The following RBL1 variants were observed in gnomAD, a reference collection of about 807,000 sequenced individuals.
RBL1 encodes retinoblastoma-like protein 1.
Under a neutral mutation model 123.0 loss-of-function variants are expected in RBL1, and 82 were observed. The ratio of observed to expected loss-of-function variants is 0.67; its 90% CI spans 0.56 to 0.80. RBL1 has a LOEUF of 0.80. RBL1 is among the 30% of genes least tolerant of loss of function. The probability of loss-of-function intolerance (pLI) is 0.00; values close to 1 mark genes in which losing one functional copy is unlikely to be tolerated. For synonymous variants in RBL1, 405 were observed against 441.3 expected (o/e 0.92, Z 1.03); for missense variants, 1,171 against 1,299.6 (o/e 0.90, Z 1.52).
At chr20:37,056,316 GACTCCACAC>G (rs2065005222) in intron 9 of RBL1, 58 bp from the exon 10 acceptor site, 24 of 1,104,264 alleles carry the variant, frequency 2.2e-5, no homozygotes, top group Admixed American at 5.8e-5. Flanking sequence ...AAACAAAAAA[GACTCCACAC>G]CAGAATACTA....
chr20:37,062,205 A>G lies in RBL1; in HGVS notation c.962T>C (p.Phe321Ser). ...LTVGDFDERI[F>S]LGADAEEEIG... ...TTCCTCTTCTGCGTCTGCTCCCAAA[A>G]AGATCCTCTCATCAAAATCACCAAC... The change falls in exon 8 of 22, where the codon TTT becomes TCT. Residue 321 changes from phenylalanine to serine, a missense_variant. Coordinates refer to ENST00000373664, the MANE Select transcript of RBL1 (RefSeq NM_002895.5). The G allele has an allele frequency of 6.2e-7, 1 of 1,614,170 alleles. No individual in the cohort carries two copies. The highest frequency in any genetic ancestry group is 8.5e-7 in the Non-Finnish European group (1 of 1,180,030).
chr20:37,055,896 A>G (rs1466166603), intron 10 of RBL1, among the ~76,000 whole-genome samples: 2 of 151,910 alleles, frequency 1.3e-5, no homozygotes, highest in Non-Finnish European at 2.9e-5. Context: ...TAAACATACA[A>G]AATTAGCCGG....
intron 11 of RBL1, among the ~76,000 whole-genome samples, chr20:37,054,078 C>T (rs1457221073): frequency 6.6e-6 from 1 of 152,028 alleles, no homozygotes; most frequent in Non-Finnish European, 1.5e-5. Flanking sequence ...GTCAATTCCC[C>T]AGTTCTGATA....
chr20:37,001,742 A>G lies in RBL1; in HGVS notation c.3036+1960T>C, dbSNP rs369961738. On this transcript the variant is annotated intron_variant, in intron 21 of 21. Coordinates refer to ENST00000373664, the MANE Select transcript of RBL1 (RefSeq NM_002895.5). The stretch of plus-strand genomic sequence containing the variant: ...AATCCCCCTCTGCGAGAAACACCCA[A>G]GAATGATCAATAAAAAAGAAAAAAA... Among the ~76,000 whole-genome samples the G allele has an allele frequency of 6.1e-5, 9 of 147,522 alleles. No individual in the cohort carries two copies. In the East Asian group the frequency reaches 1.2e-3, roughly 19 times the overall value.
chr20:37,006,851 AAAAAG>A (rs995343951), intron 20 of RBL1, among the ~76,000 whole-genome samples: 2 of 151,498 alleles, frequency 1.3e-5, no homozygotes, highest in African/African-American at 4.8e-5. Context: ...AAAAAAAAAA[AAAAAG>A]AAAACAAAAA....
At position 36,998,962 on chromosome 20, in the gene RBL1, AGAGG is replaced by A. The variant is rs11469904; in HGVS notation, c.3037-37_3037-34del. The A allele has an allele frequency of 8.0e-3, 12,621 of 1,579,560 alleles. 354 individuals carry two copies. In the African/African-American group the frequency reaches 0.082, roughly 10 times the overall value. ...GAAATAGAGAACGTGTGTGAGTAAA[AGAGG>A]GAGAGGGGAAATGGCAGCAAACAAC... On this transcript the variant is annotated intron_variant, in intron 21 of 21. Coordinates refer to ENST00000373664, the MANE Select transcript of RBL1 (RefSeq NM_002895.5).
chr20:37,089,731 C>T lies in RBL1; in HGVS notation c.157-609G>A, dbSNP rs75770548. On this transcript the variant is annotated intron_variant, in intron 1 of 21. Transcript: ENST00000373664. The stretch of plus-strand genomic sequence containing the variant: ...AATACAGGCATATGCCACATAACAT[C>T]TTGGTCAACACTGGACCACATATAC... 1.0e-3 allele frequency among the ~76,000 whole-genome samples: 153 copies of T among 152,058 alleles called. 2 individuals carry two copies. Among genetic ancestry groups the T allele is most frequent in the South Asian group, 8.1e-3 (39 of 4,810 alleles).
At chr20:36,999,459 T>TCCTCTC (rs1270067056) in intron 21 of RBL1, among the ~76,000 whole-genome samples, 2 of 127,934 alleles carry the variant, frequency 1.6e-5, no homozygotes, top group Non-Finnish European at 1.6e-5. Context: ...TCTCCCTCCC[T>TCCTCTC]CCTCTCCCTC....
Position 37,009,139 on chromosome 20 carries a change from C to T in RBL1, c.2723-1580G>A, listed in dbSNP as rs1457063062. 2.0e-5 allele frequency among the ~76,000 whole-genome samples: 3 copies of T among 152,158 alleles called. No homozygotes were observed. In the East Asian group the frequency reaches 5.8e-4, roughly 29 times the overall value. On this transcript the variant is annotated intron_variant, in intron 19 of 21. Transcript: ENST00000373664. ...CGCTGGGATCCAGCGACTCTCCTGC[C>T]TCAGCCTCCTGGGTAGCTGGGATTA...
chr20:37,066,790 G>A lies in RBL1; in HGVS notation c.780C>T (p.Leu260=), dbSNP rs899849477. 3 of 1,613,376 alleles carry A rather than the reference G, an allele frequency of 1.9e-6. No individual in the cohort carries two copies. The highest frequency in any genetic ancestry group is 2.2e-5 in the South Asian group (2 of 91,050). Residue 260 remains leucine, a synonymous_variant, in exon 6 of 22, where the codon CTC becomes CTT. Coordinates refer to ENST00000373664, the MANE Select transcript of RBL1 (RefSeq NM_002895.5). ...GCTCCTTTATTCCTTTTGCTTCTAC[G>A]AGAAGTCCATCATGCAGTTCACACA... ...AVLCELHDGL[L]VEAKGIKEHY... is the part of the protein sequence containing the mutation.
At chr20:37,077,300 C>A (rs895791755) in intron 2 of RBL1, among the ~76,000 whole-genome samples, 2 of 152,150 alleles carry the variant, frequency 1.3e-5, no homozygotes, top group African/African-American at 4.8e-5. Flanking sequence ...TATGTGTCAG[C>A]TTGGCTGGGC....
intron 17 of RBL1, among the ~76,000 whole-genome samples, chr20:37,021,148 G>C (rs2064334601): frequency 6.6e-6 from 1 of 152,186 alleles, no homozygotes; most frequent in South Asian, 2.1e-4. Flanking sequence ...CAAACTGAGT[G>C]GCTATTACAG....
intron 11 of RBL1, among the ~76,000 whole-genome samples, chr20:37,048,336 C>T (rs546691919): frequency 6.6e-6 from 1 of 152,202 alleles, no homozygotes; most frequent in Admixed American, 6.5e-5. Flanking sequence ...ATTCTGTCTC[C>T]ACAGGAATCT....
intron 13 of RBL1, 118 bp downstream of exon 13, chr20:37,043,968 C>T (rs897235581): frequency 1.9e-5 from 14 of 750,212 alleles, no homozygotes; most frequent in Non-Finnish European, 2.6e-5. Context: ...TATACTAAAA[C>T]CACTGAATTG....
At chr20:37,070,483 T>A (rs1936998) in intron 2 of RBL1, among the ~76,000 whole-genome samples, 20,476 of 146,398 alleles carry the variant, frequency 0.14, 2,111 homozygotes, top group East Asian at 0.48. Flanking sequence ...TAAATAAATT[T>A]AAAAAAAAAA....
chr20:37,014,086 T>TC (rs201206168), intron 19 of RBL1, among the ~76,000 whole-genome samples: 30 of 127,234 alleles, frequency 2.4e-4, no homozygotes, highest in African/African-American at 1.0e-3. Context: ...ACTTTCTCTC[T>TC]TTTTTTTTTT....
rs767930782 is a variant in RBL1 at position 37,007,529 on chromosome 20, C to A, written c.2753G>T (p.Cys918Phe). 2 of 1,613,776 alleles carry A rather than the reference C, an allele frequency of 1.2e-6. No homozygotes were observed. The highest frequency in any genetic ancestry group is 1.7e-6 in the Non-Finnish European group (2 of 1,179,900). The change falls in exon 20 of 22, where the codon TGT (cysteine) becomes TTT (phenylalanine). Residue 918 changes from cysteine (C) to phenylalanine (F), a missense_variant. By Grantham distance (205) the Cys-to-Phe change is radical (BLOSUM62 -2). Coordinates refer to ENST00000373664, the MANE Select transcript of RBL1 (RefSeq NM_002895.5). ...TTCCTCTTTCACTGGTCCACTGGAA[C>A]AGTCAGGTGTTTTTGTAGCATCTTC... The part of the protein sequence containing the change: ...DLEDATKTPD[C>F]SSGPVKEERG...
intron 7 of RBL1, 54 bp downstream of exon 7, chr20:37,065,356 AAATTTCAACAAATC>A: frequency 8.1e-7 from 1 of 1,237,408 alleles, no homozygotes; most frequent in Non-Finnish European, 1.1e-6. Flanking sequence ...TATGCTTAAC[AAATTTCAACAAATC>A]AACAAATATG....
intron 5 of RBL1, 32 bp from the exon 6 acceptor site, chr20:37,066,916 A>G (rs1287165906): frequency 1.3e-6 from 2 of 1,599,026 alleles, no homozygotes; most frequent in South Asian, 2.3e-5. Flanking sequence ...GGCAGAGGGA[A>G]AAAAAAATAG....
Sources: gnomAD v4.1 joint callset for allele counts (sites outside exome capture counted in the v4.1 genomes callset) on GRCh38, gnomAD v4.1.1 for gene constraint, MANE v1.5 for transcripts, NCBI Gene and HGNC (gene_info 2026-07-23, HGNC 2026-07-21) for gene names.